The following COL4A6 variants were observed in gnomAD, a reference collection of about 807,000 sequenced individuals.
The protein encoded by COL4A6 is collagen type IV alpha 6 chain, also known as collagen alpha-6(IV) chain.
A neutral mutation model predicts 126.7 loss-of-function variants in COL4A6; 59 were observed. That is an observed-to-expected ratio of 0.47 (90% CI 0.38 to 0.58). The LOEUF is 0.58. Ranked by LOEUF, COL4A6 falls within the 20% of genes least tolerant of loss-of-function variation. COL4A6 has a pLI of 0.00. For missense variants in COL4A6, 1,285 were observed against 1,337.3 expected (o/e 0.96, Z 0.61); for synonymous variants, 547 against 496.6 (o/e 1.10, Z -1.35).
At chrX:108,168,553 AC>A (rs2034201570) in intron 37 of COL4A6, among the ~76,000 whole-genome samples, 1 of 112,366 alleles carries the variant, frequency 8.9e-6, no homozygotes, top group African/African-American at 3.2e-5. Flanking sequence ...TCCCCAGGTA[AC>A]ATGCAATAAT....
intron 2 of COL4A6, among the ~76,000 whole-genome samples, chrX:108,424,642 T>C (rs1359528516): frequency 1.8e-5 from 2 of 111,853 alleles, no homozygotes; most frequent in South Asian, 7.5e-4. Context: ...ATATAGTGTA[T>C]TGAAACTGTG....
chrX:108,262,619 G>C (rs2037195107), intron 3 of COL4A6, among the ~76,000 whole-genome samples: 1 of 111,566 alleles, frequency 9.0e-6, no homozygotes, highest in Non-Finnish European at 1.9e-5. Context: ...TCCATGCAAG[G>C]CTGATTGTCT....
intron 3 of COL4A6, among the ~76,000 whole-genome samples, chrX:108,284,161 C>T (rs1391776957): frequency 8.9e-6 from 1 of 111,775 alleles, no homozygotes; most frequent in Admixed American, 9.5e-5. Context: ...ACCTAAAAAG[C>T]TGAATTATTC....
At chrX:108,249,089 T>C (rs2036785733) in intron 3 of COL4A6, among the ~76,000 whole-genome samples, 1 of 110,127 alleles carries the variant, frequency 9.1e-6, no homozygotes, top group Non-Finnish European at 1.9e-5. Context: ...TCATTATATA[T>C]TACAATGTAA....
intron 2 of COL4A6, among the ~76,000 whole-genome samples, chrX:108,361,860 T>C (rs774226067): frequency 2.7e-5 from 3 of 112,007 alleles, no homozygotes; most frequent in African/African-American, 9.7e-5. Context: ...CACTTCTAAA[T>C]TAATTAACTC....
chrX:108,351,438 C>CTGTGTG lies in COL4A6; in HGVS notation c.64-40611_64-40610insCACACA, dbSNP rs1210634822. On this transcript the variant is annotated intron_variant, in intron 2 of 44. Coordinates refer to ENST00000334504, the MANE Select transcript of COL4A6 (RefSeq NM_033641.4). ...GTATTAAAAAAGGAGGTAACTCTCT[C>CTGTGTG]TCTCTGTGTGTGTGTGTGTGTGTGT... Among the ~76,000 whole-genome samples the CTGTGTG allele has an allele frequency of 2.4e-3, 197 of 81,492 alleles. 1 individual carries two copies. In the East Asian group the frequency reaches 0.061, roughly 25 times the overall value. The allele number at this position is 81,492 out of a possible 115,157, so 70.8% of individuals were successfully genotyped here. A position where few individuals can be genotyped will look rare whatever the true frequency, so the allele number is the denominator to read the frequency against.
At chrX:108,415,296 C>CT (rs774069704) in intron 2 of COL4A6, among the ~76,000 whole-genome samples, 5 of 111,788 alleles carry the variant, frequency 4.5e-5, no homozygotes, top group Non-Finnish European at 7.5e-5. Flanking sequence ...TGGGCTCTCC[C>CT]TTCAATCACC....
chrX:108,170,802 C>T lies in COL4A6; in HGVS notation c.3385+8G>A. 1 of 1,209,488 alleles carries T rather than the reference C, an allele frequency of 8.3e-7. No individual in the cohort carries two copies. Among genetic ancestry groups the T allele is most frequent in the Non-Finnish European group, 1.1e-6 (1 of 893,051 alleles). ...CTTTCAGAATAAGGTTATCATGTGG[C>T]ATGGTACCTGGAGCTCCAGGAAGGC... On this transcript the variant is annotated splice_region_variant and intron_variant, in intron 34 of 44. Transcript: ENST00000334504.
intron 3 of COL4A6, among the ~76,000 whole-genome samples, chrX:108,251,293 G>A (rs28470828): frequency 8.9e-6 from 1 of 111,759 alleles, no homozygotes; most frequent in African/African-American, 3.2e-5. Flanking sequence ...ATTCCCTAAT[G>A]TATCAACCAA....
intron 3 of COL4A6, among the ~76,000 whole-genome samples, 186 bp downstream of exon 3, chrX:108,310,552 TTCTTGGTACC>T (rs766847370): frequency 1.2e-4 from 14 of 112,402 alleles, no homozygotes; most frequent in Non-Finnish European, 2.4e-4. Flanking sequence ...AGGAAACCTC[TTCTTGGTACC>T]TCAGAGAGTT....
At chrX:108,164,023 G>A (rs977415636) in intron 40 of COL4A6, among the ~76,000 whole-genome samples, 2 of 111,587 alleles carry the variant, frequency 1.8e-5, no homozygotes, top group Non-Finnish European at 3.8e-5. Flanking sequence ...GCCACGGTGA[G>A]TTCATTCCTA....
At chrX:108,273,599 A>G (rs1378053505) in intron 3 of COL4A6, among the ~76,000 whole-genome samples, 2 of 112,616 alleles carry the variant, frequency 1.8e-5, no homozygotes, top group African/African-American at 6.5e-5. Context: ...CATCAATGAT[A>G]GACTGGATTA....
At chrX:108,214,297 C>A in intron 5 of COL4A6, 69 bp from the exon 6 acceptor site, 1 of 758,181 alleles carries the variant, frequency 1.3e-6, no homozygotes, top group Non-Finnish European at 2.0e-6. Context: ...GGCTCCACAG[C>A]GAGAAAAGCC....
intron 2 of COL4A6, among the ~76,000 whole-genome samples, chrX:108,364,682 G>A (rs1376635243): frequency 9.0e-6 from 1 of 111,492 alleles, no homozygotes; most frequent in Non-Finnish European, 1.9e-5. Context: ...TGTGGTACTT[G>A]ACTTCCTGAG....
intron 3 of COL4A6, among the ~76,000 whole-genome samples, chrX:108,226,623 A>T (rs1046112472): frequency 9.1e-6 from 1 of 110,049 alleles, no homozygotes; most frequent in Non-Finnish European, 1.9e-5. Context: ...AAATATTCCA[A>T]CTCAAACCCA....
At chrX:108,354,561 A>G (rs766816481) in intron 2 of COL4A6, among the ~76,000 whole-genome samples, 18 of 108,661 alleles carry the variant, frequency 1.7e-4, no homozygotes, top group Non-Finnish European at 3.1e-4. Flanking sequence ...AAGGCTTCAC[A>G]ACTCTAACCT....
In COL4A6 at chrX:108,156,997, A is replaced by G. The variant is rs775020715; in HGVS notation, c.*3T>C. The G allele has an allele frequency of 8.3e-7, 1 of 1,201,217 alleles. No individual in the cohort carries two copies. The highest frequency in any genetic ancestry group is 3.0e-5 in the East Asian group (1 of 33,762). On this transcript the variant is annotated 3_prime_UTR_variant, in exon 45 of 45. Transcript: ENST00000334504. The stretch of plus-strand genomic sequence containing the variant: ...GGCAAGGGGCAGAGTGGCAGGTGCC[A>G]CCCTACAGGCTTTTCATACACACCT...
intron 2 of COL4A6, among the ~76,000 whole-genome samples, chrX:108,430,923 T>A (rs1437555063): frequency 1.8e-5 from 2 of 111,689 alleles, no homozygotes; most frequent in African/African-American, 6.5e-5. Context: ...TATCAACTAA[T>A]TGAGAGACAG....
intron 2 of COL4A6, among the ~76,000 whole-genome samples, chrX:108,321,829 C>T (rs2147944552): frequency 9.0e-6 from 1 of 111,416 alleles, no homozygotes; most frequent in Non-Finnish European, 1.9e-5. Flanking sequence ...CCGTGAGCAT[C>T]TGTTATGTGC....
Sources: allele counts gnomAD v4.1 joint callset (sites outside exome capture counted in the v4.1 genomes callset), GRCh38; gene constraint gnomAD v4.1.1; transcripts MANE v1.5; gene names NCBI Gene and HGNC (gene_info 2026-07-23, HGNC 2026-07-21).